GRID1: variants seen among roughly 807,000 people sequenced by gnomAD.
GRID1 encodes the protein glutamate receptor ionotropic, delta-1.
A neutral mutation model predicts 98.0 loss-of-function variants in GRID1; 28 were observed. The ratio of observed to expected loss-of-function variants is 0.29; its 90% CI spans 0.21 to 0.39. The LOEUF (loss-of-function observed/expected upper bound fraction) is 0.39, where lower values mean the gene tolerates loss of function less well. GRID1 is among the 10% of genes least tolerant of loss of function. GRID1 has a pLI of 1.00. For synonymous variants in GRID1, 553 were observed against 538.5 expected (o/e 1.03, Z -0.37); for missense variants, 1,111 against 1,340.5 (o/e 0.83, Z 2.67).
At chr10:86,012,450 C>A (rs77892758) in intron 4 of GRID1, among the ~76,000 whole-genome samples, 2 of 152,150 alleles carry the variant, frequency 1.3e-5, no homozygotes, top group African/African-American at 4.8e-5. Flanking sequence ...GGTTAATTGA[C>A]CCTGACCCTG....
At chr10:86,112,823 T>C (rs1343033324) in intron 4 of GRID1, among the ~76,000 whole-genome samples, 2 of 152,176 alleles carry the variant, frequency 1.3e-5, no homozygotes, top group African/African-American at 2.4e-5. Context: ...CATGCAGCAT[T>C]CTTCTCCCTG....
intron 4 of GRID1, among the ~76,000 whole-genome samples, chr10:85,992,161 GGGA>G (rs1006808885): frequency 1.1e-4 from 17 of 151,990 alleles, no homozygotes; most frequent in African/African-American, 3.9e-4. Context: ...TAAATAAGGA[GGGA>G]GGAGGAGGAG....
chr10:85,810,811 T>A (rs1292210451), intron 8 of GRID1, among the ~76,000 whole-genome samples: 3 of 151,914 alleles, frequency 2.0e-5, no homozygotes, highest in Non-Finnish European at 4.4e-5. Flanking sequence ...AATAGCTGAG[T>A]AGACCCAACC....
chr10:85,688,258 G>A (rs1397284780), intron 12 of GRID1, among the ~76,000 whole-genome samples: 3 of 152,238 alleles, frequency 2.0e-5, no homozygotes, highest in Non-Finnish European at 4.4e-5. Context: ...GGTGTCTACT[G>A]CAGCAGCTTG....
At chr10:86,221,421 G>A (rs749206141) in intron 2 of GRID1, among the ~76,000 whole-genome samples, 2 of 152,142 alleles carry the variant, frequency 1.3e-5, no homozygotes, top group Non-Finnish European at 2.9e-5. Flanking sequence ...CAAGCACGCC[G>A]TGCTGGGAAC....
At chr10:85,670,124 T>C (rs1841068195) in intron 12 of GRID1, among the ~76,000 whole-genome samples, 1 of 152,242 alleles carries the variant, frequency 6.6e-6, no homozygotes. Context: ...TGGGAAATGC[T>C]GGACACGACA....
intron 5 of GRID1, among the ~76,000 whole-genome samples, chr10:85,889,965 T>C (rs1045405110): frequency 1.3e-5 from 2 of 152,148 alleles, no homozygotes; most frequent in Admixed American, 6.6e-5. Flanking sequence ...ATGCTTCAAT[T>C]CATACAATGC....
intron 12 of GRID1, among the ~76,000 whole-genome samples, chr10:85,654,738 G>C (rs374284382): frequency 2.6e-5 from 4 of 152,178 alleles, no homozygotes; most frequent in Non-Finnish European, 4.4e-5. Context: ...GCCATCCCAG[G>C]CACTCAGGGC....
At chr10:86,270,535 C>G (rs767176729) in intron 2 of GRID1, among the ~76,000 whole-genome samples, 1 of 151,984 alleles carries the variant, frequency 6.6e-6, no homozygotes, top group Non-Finnish European at 1.5e-5. Flanking sequence ...AGCAAAAACA[C>G]AAAAATTAGC....
At chr10:86,094,059 G>A (rs1207789944) in intron 4 of GRID1, among the ~76,000 whole-genome samples, 2 of 152,184 alleles carry the variant, frequency 1.3e-5, no homozygotes, top group African/African-American at 2.4e-5. Context: ...GTCAATAAAT[G>A]TGATGGACAA....
In GRID1 at chr10:86,254,697, C is replaced by T. The variant is rs541601953; in HGVS notation, c.236-48049G>A. On this transcript the variant is annotated intron_variant, in intron 2 of 15. Coordinates refer to ENST00000327946, the MANE Select transcript of GRID1 (RefSeq NM_017551.3). The stretch of plus-strand genomic sequence containing the variant: ...ACAATGGCAGGCAGGGCCCAGTAGG[C>T]TTCCAGCTGTGCTGCCACTAAAGCA... 1.1e-4 allele frequency among the ~76,000 whole-genome samples: 16 copies of T among 152,328 alleles called. No individual in the cohort carries two copies. The East Asian group carries it at 2.9e-3, about 28-fold the overall frequency.
At chr10:86,334,384 T>C (rs1848195482) in intron 2 of GRID1, among the ~76,000 whole-genome samples, 1 of 152,042 alleles carries the variant, frequency 6.6e-6, no homozygotes, top group Non-Finnish European at 1.5e-5. Flanking sequence ...ATGCTTTCCT[T>C]CCAGGTGTCT....
chr10:85,995,875 C>T (rs1842733802), intron 4 of GRID1, among the ~76,000 whole-genome samples: 1 of 152,174 alleles, frequency 6.6e-6, no homozygotes, highest in African/African-American at 2.4e-5. Context: ...TTATGAAGTC[C>T]TGGGCTCACT....
intron 8 of GRID1, among the ~76,000 whole-genome samples, chr10:85,819,837 C>T (rs1225274408): frequency 1.3e-5 from 2 of 151,798 alleles, no homozygotes; most frequent in African/African-American, 4.8e-5. Context: ...TCACTTGAAC[C>T]CAGGAGGTGA....
At chr10:86,035,439 A>AT (rs1843247321) in intron 4 of GRID1, among the ~76,000 whole-genome samples, 1 of 152,216 alleles carries the variant, frequency 6.6e-6, no homozygotes, top group African/African-American at 2.4e-5. Flanking sequence ...CCTCTTGACT[A>AT]TGAAAGCATG....
intron 2 of GRID1, among the ~76,000 whole-genome samples, chr10:86,237,311 G>C (rs2446018): frequency 1.3e-5 from 2 of 152,090 alleles, no homozygotes; most frequent in South Asian, 2.1e-4. Flanking sequence ...TTGGACGGGG[G>C]GCCTGGTGGG....
At chr10:86,215,093 G>T (rs1291419232) in intron 2 of GRID1, among the ~76,000 whole-genome samples, 1 of 152,208 alleles carries the variant, frequency 6.6e-6, no homozygotes, top group Non-Finnish European at 1.5e-5. Context: ...GAACCAAGGG[G>T]ACAGTGGGGA....
intron 4 of GRID1, among the ~76,000 whole-genome samples, chr10:86,037,143 G>A (rs192941051): frequency 5.1e-4 from 77 of 152,252 alleles, no homozygotes; most frequent in Admixed American, 4.9e-3. Flanking sequence ...AAATATCATC[G>A]AACCTGCCGT....
intron 4 of GRID1, among the ~76,000 whole-genome samples, chr10:86,075,860 G>A (rs981871851): frequency 6.6e-6 from 1 of 152,234 alleles, no homozygotes. Context: ...GGGCACCATA[G>A]GGCAGCTAGA....
Sources: allele counts gnomAD v4.1 joint callset (sites outside exome capture counted in the v4.1 genomes callset), GRCh38; gene constraint gnomAD v4.1.1; transcripts MANE v1.5; gene names NCBI Gene and HGNC (gene_info 2026-07-23, HGNC 2026-07-21).